Variants in SBF2 observed in about 807,000 individuals in gnomAD.
SBF2 encodes SET binding factor 2, also known as myotubularin-related protein 13.
SBF2 carries 112 observed loss-of-function variants against 225.2 expected under a neutral mutation model. The observed-to-expected ratio is 0.50, with a 90% CI of 0.43 to 0.58. The LOEUF is 0.58. Among genes scored for constraint, SBF2 ranks in the 20% least tolerant of loss-of-function variants. The pLI is 0.00. For missense variants in SBF2, 1,996 were observed against 2,206.2 expected, an observed-to-expected ratio of 0.90 and a Z score of 1.91; for synonymous variants, 763 against 773.3, an observed-to-expected ratio of 0.99 and a Z score of 0.22.
chr11:10,233,526 C>G (rs1022217720), intron 1 of SBF2, among the ~76,000 whole-genome samples: 3 of 150,712 alleles, frequency 2.0e-5, no homozygotes, highest in African/African-American at 7.3e-5. Context: ...TTCTTAACCT[C>G]TTGGTGTATA....
chr11:10,176,844 G>A (rs1591142359), intron 2 of SBF2, among the ~76,000 whole-genome samples: 1 of 152,250 alleles, frequency 6.6e-6, no homozygotes, highest in East Asian at 1.9e-4. Context: ...CATTTTATGA[G>A]GCCAGCATCA....
Position 9,842,725 on chromosome 11 carries a change from T to C in SBF2, c.3156A>G (p.Lys1052=). The change falls in exon 25 of 40, where the codon AAA becomes AAG. Residue 1052 remains lysine, a synonymous_variant. Coordinates refer to ENST00000256190, the MANE Select transcript of SBF2 (RefSeq NM_030962.4). ...GTAAATATTGCCGCCCAATTGTCAT[T>C]TTCCCTGCCCTTTTGGCACCTTTCA... ...TIVKGAKRAG[K]MTIGRQYLLK... 1.9e-6 allele frequency: 3 copies of C among 1,614,184 alleles called. No individual in the cohort carries two copies. The highest frequency in any genetic ancestry group is 2.5e-6 in the Non-Finnish European group (3 of 1,180,016).
intron 3 of SBF2, among the ~76,000 whole-genome samples, chr11:10,042,138 T>C (rs1454640144): frequency 6.6e-6 from 1 of 152,194 alleles, no homozygotes; most frequent in East Asian, 1.9e-4. Context: ...TACCCAGCAT[T>C]GTAAGTGCCA....
At chr11:9,788,894 C>T (rs866574052) in intron 35 of SBF2, among the ~76,000 whole-genome samples, 15 of 152,088 alleles carry the variant, frequency 9.9e-5, no homozygotes, top group Admixed American at 4.6e-4. Context: ...CGTGAGCCAC[C>T]GCGCCAGGCT....
chr11:9,814,932 T>C (rs1011627063), intron 29 of SBF2, among the ~76,000 whole-genome samples: 3 of 152,186 alleles, frequency 2.0e-5, no homozygotes, highest in African/African-American at 7.2e-5. Flanking sequence ...TCAGAATAAG[T>C]CACTGTAATT....
chr11:10,241,590 A>T (rs1442648224), intron 1 of SBF2, among the ~76,000 whole-genome samples: 5 of 152,262 alleles, frequency 3.3e-5, no homozygotes, highest in African/African-American at 9.6e-5. Context: ...CAAAATCAGG[A>T]AACATTACAG....
At chr11:10,132,541 C>T (rs938230394) in intron 2 of SBF2, among the ~76,000 whole-genome samples, 25 of 147,262 alleles carry the variant, frequency 1.7e-4, no homozygotes, top group Admixed American at 3.5e-4. Flanking sequence ...CTTAAGGCAG[C>T]GCGTCTGGAG....
intron 13 of SBF2, among the ~76,000 whole-genome samples, chr11:9,971,685 G>C (rs1565078198): frequency 6.6e-6 from 1 of 151,588 alleles, no homozygotes; most frequent in African/African-American, 2.4e-5. Context: ...TCTCAAGAAA[G>C]GAAAAAGAAA....
intron 2 of SBF2, among the ~76,000 whole-genome samples, chr11:10,171,990 GTCT>G (rs1292145969): frequency 6.6e-6 from 1 of 151,998 alleles, no homozygotes; most frequent in Non-Finnish European, 1.5e-5. Flanking sequence ...CAGTTGTAAC[GTCT>G]TCTTTTTAAT....
chr11:10,252,086 C>T (rs1960407640), intron 1 of SBF2, among the ~76,000 whole-genome samples: 1 of 152,234 alleles, frequency 6.6e-6, no homozygotes, highest in Admixed American at 6.5e-5. Context: ...CTAGAACAGA[C>T]CAGGTTCTGT....
chr11:10,241,779 C>A (rs1185175447), intron 1 of SBF2, among the ~76,000 whole-genome samples: 1 of 152,062 alleles, frequency 6.6e-6, no homozygotes, highest in Non-Finnish European at 1.5e-5. Flanking sequence ...TTCCAAAATT[C>A]ATTTCTCCAT....
At chr11:9,923,066 G>A (rs777748601) in intron 16 of SBF2, among the ~76,000 whole-genome samples, 52 of 152,118 alleles carry the variant, frequency 3.4e-4, no homozygotes, top group Non-Finnish European at 5.9e-4. Flanking sequence ...ACTGAAGCAA[G>A]TCATGTGGAT....
intron 16 of SBF2, among the ~76,000 whole-genome samples, chr11:9,940,876 A>T: frequency 6.6e-6 from 1 of 152,184 alleles, no homozygotes; most frequent in South Asian, 2.1e-4. Context: ...ACAAAGGCAA[A>T]GAGTTTATAG....
chr11:10,150,443 G>C (rs1955122048), intron 2 of SBF2, among the ~76,000 whole-genome samples: 2 of 152,006 alleles, frequency 1.3e-5, no homozygotes, highest in South Asian at 4.1e-4. Flanking sequence ...AACAAATCAA[G>C]ATCTATTATT....
intron 16 of SBF2, among the ~76,000 whole-genome samples, chr11:9,930,420 A>C (rs72854502): frequency 0.12 from 18,971 of 152,182 alleles, 1,283 homozygotes; most frequent in Non-Finnish European, 0.14. Flanking sequence ...AACCTAATCT[A>C]TAGTGGCAGA....
chr11:9,855,529 G>C (rs1483082540), intron 19 of SBF2, among the ~76,000 whole-genome samples: 1 of 152,190 alleles, frequency 6.6e-6, no homozygotes, highest in African/African-American at 2.4e-5. Context: ...TCTAAGGATA[G>C]AATTTCACTA....
chr11:10,216,596 G>A (rs1188000420), intron 1 of SBF2, among the ~76,000 whole-genome samples: 2 of 152,228 alleles, frequency 1.3e-5, no homozygotes, highest in Non-Finnish European at 2.9e-5. Context: ...AGGGCTGGGT[G>A]TGGTGGCTCA....
At chr11:9,897,455 C>T (rs936416196) in intron 16 of SBF2, among the ~76,000 whole-genome samples, 5 of 152,032 alleles carry the variant, frequency 3.3e-5, no homozygotes, top group East Asian at 1.9e-4. Context: ...TCAAGTGATC[C>T]GCCTGTCTCA....
intron 1 of SBF2, among the ~76,000 whole-genome samples, chr11:10,274,323 G>A (rs186805505): frequency 8.5e-5 from 13 of 152,274 alleles, no homozygotes; most frequent in Admixed American, 2.0e-4. Context: ...TAAATTCATC[G>A]TGACAAAATC....
Sources: gnomAD v4.1 joint callset for allele counts (sites outside exome capture counted in the v4.1 genomes callset) on GRCh38, gnomAD v4.1.1 for gene constraint, MANE v1.5 for transcripts, NCBI Gene and HGNC (gene_info 2026-07-23, HGNC 2026-07-21) for gene names.